The following ADAM22 variants were observed in gnomAD, a reference collection of about 807,000 sequenced individuals.
The protein encoded by ADAM22 is disintegrin and metalloproteinase domain-containing protein 22.
Under a neutral mutation model 144.6 loss-of-function variants are expected in ADAM22, and 65 were observed. That is an observed-to-expected ratio of 0.45 (90% CI 0.37 to 0.55). The LOEUF is 0.55. ADAM22 is among the 20% of genes least tolerant of loss of function. The probability of loss-of-function intolerance (pLI) is 0.00; values close to 1 mark genes in which losing one functional copy is unlikely to be tolerated. For missense variants in ADAM22, 974 were observed against 1,184.9 expected, an observed-to-expected ratio of 0.82 and a Z score of 2.61; for synonymous variants, 391 against 412.6, an observed-to-expected ratio of 0.95 and a Z score of 0.63.
chr7:88,053,634 AAG>A (rs201812553), intron 3 of ADAM22, among the ~76,000 whole-genome samples: 3 of 96,582 alleles, frequency 3.1e-5, no homozygotes, highest in African/African-American at 6.0e-5. Context: ...GAAAGAAAGA[AAG>A]AAAGAAAGAA....
At chr7:88,150,405 T>A (rs1837995839) in intron 18 of ADAM22, among the ~76,000 whole-genome samples, 1 of 152,246 alleles carries the variant, frequency 6.6e-6, no homozygotes, top group Non-Finnish European at 1.5e-5. Context: ...TATTGCCTTA[T>A]AATTTTTCAT....
intron 5 of ADAM22, among the ~76,000 whole-genome samples, chr7:88,108,819 A>G (rs1022207492): frequency 6.6e-6 from 1 of 152,180 alleles, no homozygotes; most frequent in African/African-American, 2.4e-5. Context: ...AAAAAAGATA[A>G]GCATACTTTA....
intron 2 of ADAM22, among the ~76,000 whole-genome samples, chr7:87,940,922 T>G (rs1390356206): frequency 6.6e-6 from 1 of 152,226 alleles, no homozygotes; most frequent in African/African-American, 2.4e-5. Flanking sequence ...TATTGATGGT[T>G]TGATACTACT....
chr7:87,966,992 A>C (rs75684245), intron 2 of ADAM22, among the ~76,000 whole-genome samples: 1 of 151,888 alleles, frequency 6.6e-6, no homozygotes, highest in African/African-American at 2.4e-5. Flanking sequence ...CCTCCATGCT[A>C]TTCTCATGAT....
intron 4 of ADAM22, among the ~76,000 whole-genome samples, chr7:88,106,307 G>T (rs545519984): frequency 6.6e-6 from 1 of 152,162 alleles, no homozygotes; most frequent in Non-Finnish European, 1.5e-5. Context: ...GTCCAGGATT[G>T]CATTGTGTAC....
intron 3 of ADAM22, among the ~76,000 whole-genome samples, chr7:88,043,177 T>C (rs1270774661): frequency 6.6e-6 from 1 of 151,996 alleles, no homozygotes; most frequent in Non-Finnish European, 1.5e-5. Context: ...ATTCTGTTTA[T>C]TATTTTATTA....
chr7:88,170,121 TTTAA>T, intron 25 of ADAM22, among the ~76,000 whole-genome samples: 1 of 152,132 alleles, frequency 6.6e-6, no homozygotes, highest in South Asian at 2.1e-4. Context: ...ACTTTGCAAC[TTTAA>T]TAAGATCCAC....
intron 2 of ADAM22, among the ~76,000 whole-genome samples, chr7:87,941,120 T>C (rs990364857): frequency 1.3e-5 from 2 of 152,154 alleles, no homozygotes; most frequent in Non-Finnish European, 1.5e-5. Context: ...GGAGCAAAAT[T>C]TCTTTTTGTT....
chr7:88,116,350 T>C (rs1000764851), intron 6 of ADAM22, among the ~76,000 whole-genome samples: 2 of 152,162 alleles, frequency 1.3e-5, no homozygotes, highest in African/African-American at 4.8e-5. Flanking sequence ...TCCCCAATAC[T>C]ATGAAGATTG....
chr7:88,140,564 A>G (rs1834307260), intron 14 of ADAM22, among the ~76,000 whole-genome samples: 1 of 152,198 alleles, frequency 6.6e-6, no homozygotes, highest in Non-Finnish European at 1.5e-5. Flanking sequence ...CTTCACAGGA[A>G]TGCAAGTTTT....
intron 23 of ADAM22, among the ~76,000 whole-genome samples, chr7:88,165,384 G>A (rs1586396199): frequency 6.6e-6 from 1 of 151,982 alleles, no homozygotes; most frequent in East Asian, 1.9e-4. Flanking sequence ...CAAAACATCA[G>A]GTCTCCCCTC....
intron 2 of ADAM22, among the ~76,000 whole-genome samples, chr7:87,959,987 T>G (rs1429337710): frequency 6.6e-6 from 1 of 152,140 alleles, no homozygotes; most frequent in Non-Finnish European, 1.5e-5. Flanking sequence ...ATTGTGCTGT[T>G]TTTGGTACCA....
chr7:88,013,294 A>T (rs1397434718), intron 3 of ADAM22, among the ~76,000 whole-genome samples: 1 of 152,232 alleles, frequency 6.6e-6, no homozygotes, highest in African/African-American at 2.4e-5. Context: ...AAGAAAAGTC[A>T]TTGATTTTTA....
rs756808108 is a variant in ADAM22 at position 88,108,908 on chromosome 7, GA to G, written c.473+651del. 4.8e-4 allele frequency among the ~76,000 whole-genome samples: 73 copies of G among 152,082 alleles called. 1 individual carries two copies. The highest frequency in any genetic ancestry group is 8.8e-4 in the Non-Finnish European group (60 of 67,994). ...AACAGAGGCTTTTGAATTTCACAAT[GA>G]TACCTTAAAATGATATTTGAAGCAT... On this transcript the variant is annotated intron_variant, in intron 5 of 31. Coordinates refer to ENST00000413139, the MANE Select transcript of ADAM22 (RefSeq NM_001324418.2).
intron 4 of ADAM22, among the ~76,000 whole-genome samples, chr7:88,089,745 C>G (rs1819366411): frequency 6.6e-6 from 1 of 152,066 alleles, no homozygotes; most frequent in African/African-American, 2.4e-5. Flanking sequence ...TGAAACAGAT[C>G]TATTTATAGA....
intron 14 of ADAM22, among the ~76,000 whole-genome samples, chr7:88,137,426 C>T (rs541671041): frequency 6.6e-6 from 1 of 152,256 alleles, no homozygotes; most frequent in African/African-American, 2.4e-5. Flanking sequence ...CATAATAGTA[C>T]AGGAGTTTCT....
intron 14 of ADAM22, among the ~76,000 whole-genome samples, chr7:88,140,023 A>C (rs908388448): frequency 6.6e-6 from 1 of 152,154 alleles, no homozygotes; most frequent in Non-Finnish European, 1.5e-5. Context: ...AGATCTCAGG[A>C]AGCTTTTACT....
chr7:88,053,616 G>GAA (rs1216896515), intron 3 of ADAM22, among the ~76,000 whole-genome samples: 1 of 113,426 alleles, frequency 8.8e-6, no homozygotes, highest in Non-Finnish European at 2.1e-5. Flanking sequence ...AAGAAAGAAA[G>GAA]AAAGAAAGAA....
At chr7:88,171,183 C>T (rs935169002) in intron 25 of ADAM22, among the ~76,000 whole-genome samples, 15 of 151,812 alleles carry the variant, frequency 9.9e-5, no homozygotes, top group Non-Finnish European at 1.8e-4. Context: ...ATATAAGTAA[C>T]TTGATTCATT....
Sources: allele counts gnomAD v4.1 joint callset (sites outside exome capture counted in the v4.1 genomes callset), GRCh38; gene constraint gnomAD v4.1.1; transcripts MANE v1.5; gene names NCBI Gene and HGNC (gene_info 2026-07-23, HGNC 2026-07-21).